NCOR1: variants seen among roughly 807,000 people sequenced by gnomAD.
The protein encoded by NCOR1 is protein phosphatase 1, regulatory subunit 109.
In NCOR1, 63 loss-of-function variants were observed where a neutral mutation model predicts 288.1. The ratio of observed to expected loss-of-function variants is 0.22; its 90% CI spans 0.18 to 0.27. The LOEUF (loss-of-function observed/expected upper bound fraction) is 0.27. Among genes scored for constraint, NCOR1 ranks in the 10% least tolerant of loss-of-function variants. The pLI is 1.00. For missense variants in NCOR1, 2,397 were observed against 3,019.2 expected (o/e 0.79, Z 4.83); for synonymous variants, 1,007 against 1,065.9 (o/e 0.94, Z 1.08).
At chr17:16,102,717 C>A (rs2067861828) in intron 19 of NCOR1, among the ~76,000 whole-genome samples, 1 of 152,102 alleles carries the variant, frequency 6.6e-6, no homozygotes, top group African/African-American at 2.4e-5. Context: ...CCTCAGCCTC[C>A]TGAGTAGCTG....
At chr17:16,078,292 C>T (rs1174447478) in intron 26 of NCOR1, among the ~76,000 whole-genome samples, 1 of 152,098 alleles carries the variant, frequency 6.6e-6, no homozygotes, top group African/African-American at 2.4e-5. Context: ...TTAAGAAAAG[C>T]GATAAGAGAC....
chr17:16,092,689 ATATATATTTTTTTTTTTT>A (rs2065574700), intron 21 of NCOR1, among the ~76,000 whole-genome samples: 1 of 11,048 alleles, frequency 9.1e-5, no homozygotes, highest in African/African-American at 3.1e-4. Context: ...ATATATATAT[ATATATATTTTTTTTTTTT>A]TTTTTTTTTA....
chr17:16,141,450 A>G (rs748584250), intron 11 of NCOR1, among the ~76,000 whole-genome samples: 2 of 152,194 alleles, frequency 1.3e-5, no homozygotes, highest in Non-Finnish European at 2.9e-5. Flanking sequence ...TATAGTTTAT[A>G]TAGTTCTATA....
At chr17:16,164,241 T>TG (rs1486074667) in intron 5 of NCOR1, among the ~76,000 whole-genome samples, 21 of 103,788 alleles carry the variant, frequency 2.0e-4, no homozygotes, top group Non-Finnish European at 3.5e-4. Flanking sequence ...ACTCCAAATC[T>TG]GGAAAAAAAA....
At chr17:16,042,733 ATGGTAACTGTTAACTG>A (rs1275190059) in intron 42 of NCOR1, among the ~76,000 whole-genome samples, 1 of 152,218 alleles carries the variant, frequency 6.6e-6, no homozygotes. Flanking sequence ...GGCCAGAGTA[ATGGTAACTGTTAACTG>A]TGGTAGGGAA....
At chr17:16,163,787 CAT>C (rs113864858) in intron 5 of NCOR1, among the ~76,000 whole-genome samples, 2 of 152,128 alleles carry the variant, frequency 1.3e-5, no homozygotes, top group Non-Finnish European at 2.9e-5. Context: ...ATAAACAAAA[CAT>C]AGTAAACTCA....
chr17:16,091,570 T>C (rs780320015), intron 22 of NCOR1: 150 of 1,204,158 alleles, frequency 1.2e-4, no homozygotes, highest in Non-Finnish European at 1.4e-4. Flanking sequence ...AAAATTCAGA[T>C]GAACGGAACA....
At chr17:16,125,280 T>G (rs1379856787) in intron 15 of NCOR1, among the ~76,000 whole-genome samples, 1 of 152,020 alleles carries the variant, frequency 6.6e-6, no homozygotes, top group Non-Finnish European at 1.5e-5. Flanking sequence ...CAAGAATCAC[T>G]TGAACTTGGG....
intron 23 of NCOR1, among the ~76,000 whole-genome samples, chr17:16,083,165 G>A (rs576066997): frequency 5.9e-5 from 9 of 151,838 alleles, no homozygotes; most frequent in South Asian, 2.1e-4. Context: ...ACTGGGAGGC[G>A]GAGGTTGCAG....
At chr17:16,124,221 A>T (rs975220169) in intron 15 of NCOR1, among the ~76,000 whole-genome samples, 1 of 152,178 alleles carries the variant, frequency 6.6e-6, no homozygotes, top group Non-Finnish European at 1.5e-5. Flanking sequence ...AGGACTATAG[A>T]TATAACATAA....
intron 12 of NCOR1, 62 bp downstream of exon 12, chr17:16,138,946 C>T (rs1225707916): frequency 1.6e-5 from 20 of 1,261,288 alleles, no homozygotes; most frequent in Non-Finnish European, 2.1e-5. Flanking sequence ...CAAGTAAATG[C>T]CAAATACTTT....
chr17:16,147,970 A>G (rs1263375808), intron 9 of NCOR1, among the ~76,000 whole-genome samples: 1 of 152,076 alleles, frequency 6.6e-6, no homozygotes, highest in Non-Finnish European at 1.5e-5. Flanking sequence ...AGCATGCGCC[A>G]CCACGCCTGG....
chr17:16,034,387 G>A (rs923053599), intron 45 of NCOR1, among the ~76,000 whole-genome samples: 3 of 151,990 alleles, frequency 2.0e-5, no homozygotes, highest in Non-Finnish European at 2.9e-5. Context: ...TCAGGAGTTC[G>A]AGACCAGCCT....
At position 16,080,577 on chromosome 17, in the gene NCOR1, G is replaced by C. The variant is rs573441102; in HGVS notation, c.3298+30C>G. 7 of 1,614,048 alleles carry C rather than the reference G, an allele frequency of 4.3e-6. No individual in the cohort carries two copies. The African/African-American group carries it at 9.3e-5, about 22-fold the overall frequency. On this transcript the variant is annotated intron_variant, in intron 24 of 45. Transcript: ENST00000268712. ...TACTGGCTGTGATGCTACAAACGTA[G>C]ATGCATTATGACTGTATTAACTCAC... is the stretch of plus-strand genomic sequence containing the variant.
At chr17:16,192,253 C>T (rs908171096) in intron 2 of NCOR1, 1 of 152,254 alleles carries the variant, frequency 6.6e-6, no homozygotes, top group African/African-American at 2.4e-5. Flanking sequence ...GTGGCTCACA[C>T]CTGAAAGCCC....
At chr17:16,054,796 G>T (rs1385954427) in intron 40 of NCOR1, among the ~76,000 whole-genome samples, 1 of 152,072 alleles carries the variant, frequency 6.6e-6, no homozygotes, top group East Asian at 1.9e-4. Flanking sequence ...ACCAGATATG[G>T]GGGCAGGAGC....
At chr17:16,207,472 T>C (rs2091648894) in intron 1 of NCOR1, among the ~76,000 whole-genome samples, 1 of 152,144 alleles carries the variant, frequency 6.6e-6, no homozygotes, top group Non-Finnish European at 1.5e-5. Context: ...CGGGGCGCAG[T>C]GGCTCACGCC....
At chr17:16,187,555 A>G (rs1217697272) in intron 2 of NCOR1, among the ~76,000 whole-genome samples, 2 of 144,882 alleles carry the variant, frequency 1.4e-5, no homozygotes, top group African/African-American at 5.0e-5. Flanking sequence ...AAAAAAAAAA[A>G]GGTCAGGCAC....
intron 4 of NCOR1, among the ~76,000 whole-genome samples, chr17:16,167,782 C>A (rs1158059508): frequency 1.4e-5 from 2 of 141,804 alleles, no homozygotes; most frequent in Non-Finnish European, 3.0e-5. Context: ...ATGGCTTGAA[C>A]CCGGGAGGCG....
Sources: gnomAD v4.1 joint callset for allele counts (sites outside exome capture counted in the v4.1 genomes callset) on GRCh38, gnomAD v4.1.1 for gene constraint, MANE v1.5 for transcripts, NCBI Gene and HGNC (gene_info 2026-07-23, HGNC 2026-07-21) for gene names.